TOX: variants seen among roughly 807,000 people sequenced by gnomAD.
TOX encodes thymocyte selection associated high mobility group box.
In TOX, 11 loss-of-function variants were observed where a neutral mutation model predicts 53.7. That is an observed-to-expected ratio of 0.20 (90% CI 0.13 to 0.34). The LOEUF (loss-of-function observed/expected upper bound fraction) is 0.34. Among genes scored for constraint, TOX ranks in the 10% least tolerant of loss-of-function variants. The probability of loss-of-function intolerance (pLI) is 1.00; values close to 1 mark genes in which losing one functional copy is unlikely to be tolerated. For missense variants in TOX, 570 were observed against 664.6 expected, an observed-to-expected ratio of 0.86 and a Z score of 1.56; for synonymous variants, 225 against 245.3, an observed-to-expected ratio of 0.92 and a Z score of 0.77.
intron 1 of TOX, among the ~76,000 whole-genome samples, chr8:58,978,063 A>G (rs1479928895): frequency 1.3e-5 from 2 of 152,190 alleles, no homozygotes; most frequent in Non-Finnish European, 2.9e-5. Flanking sequence ...GTGAGGTGCA[A>G]TAAAATGGGG....
intron 2 of TOX, among the ~76,000 whole-genome samples, chr8:58,957,326 G>C (rs569690463): frequency 1.4e-4 from 22 of 152,220 alleles, no homozygotes; most frequent in Admixed American, 2.6e-4. Context: ...AATGGTGCCA[G>C]AGTAAAATGG....
intron 7 of TOX, among the ~76,000 whole-genome samples, chr8:58,813,817 A>G (rs748178489): frequency 6.6e-6 from 1 of 152,216 alleles, no homozygotes; most frequent in Non-Finnish European, 1.5e-5. Context: ...TGATTTGAGA[A>G]GTAACCAGAA....
chr8:58,810,094 T>A (rs1810052605), intron 7 of TOX, among the ~76,000 whole-genome samples: 1 of 152,132 alleles, frequency 6.6e-6, no homozygotes, highest in South Asian at 2.1e-4. Flanking sequence ...AATGCAACCC[T>A]TATGCCTTGG....
chr8:58,952,567 C>T lies in TOX; in HGVS notation c.168+7376G>A, dbSNP rs188946551. Among the ~76,000 whole-genome samples the T allele has an allele frequency of 3.3e-5, 5 of 152,324 alleles. No individual in the cohort carries two copies. The South Asian group carries it at 6.2e-4, about 19-fold the overall frequency. ...AAATGCTACCACACAACTGGTCAGA[C>T]TGCAGTAGTGCTACAACTCCTCCCT... On this transcript the variant is annotated intron_variant, in intron 2 of 8. Coordinates refer to ENST00000361421, the MANE Select transcript of TOX (RefSeq NM_014729.3).
At chr8:58,858,254 G>T (rs559994039) in intron 3 of TOX, among the ~76,000 whole-genome samples, 6 of 152,180 alleles carry the variant, frequency 3.9e-5, no homozygotes, top group Middle Eastern at 3.2e-3. Context: ...GCACCAGAAC[G>T]ATGGAGGGCC....
At chr8:58,814,451 A>G (rs1810138553) in intron 7 of TOX, 1 of 152,212 alleles carries the variant, frequency 6.6e-6, no homozygotes. Flanking sequence ...TGTCAATTAT[A>G]CTGCAAGTTG....
chr8:59,079,949 G>T lies in TOX; in HGVS notation c.102+38937C>A, dbSNP rs542466565. ...CCACCAAAGGCTTAATTAACATCAC[G>T]TGCATGGGGCCTGTAGCCCCTTTCT... On this transcript the variant is annotated intron_variant, in intron 1 of 8. Transcript: ENST00000361421. Among the ~76,000 whole-genome samples the T allele has an allele frequency of 4.6e-5, 7 of 151,958 alleles. No individual in the cohort carries two copies. The East Asian group carries it at 1.4e-3, about 29-fold the overall frequency.
intron 3 of TOX, among the ~76,000 whole-genome samples, chr8:58,936,535 A>G (rs533346054): frequency 4.3e-4 from 65 of 152,220 alleles, no homozygotes; most frequent in Non-Finnish European, 8.1e-4. Context: ...CATTCAAAAT[A>G]TATACACTGA....
intron 1 of TOX, among the ~76,000 whole-genome samples, chr8:59,078,039 A>G (rs1045503440): frequency 1.3e-5 from 2 of 152,208 alleles, no homozygotes; most frequent in African/African-American, 2.4e-5. Context: ...GAGGAAAAAT[A>G]TTATCCATAC....
At chr8:58,922,537 CAT>C (rs1039322668) in intron 3 of TOX, among the ~76,000 whole-genome samples, 4 of 152,206 alleles carry the variant, frequency 2.6e-5, no homozygotes, top group African/African-American at 9.6e-5. Flanking sequence ...CAAACACACA[CAT>C]ATATATGTGT....
chr8:58,947,386 A>G (rs1812540483), intron 2 of TOX, among the ~76,000 whole-genome samples: 1 of 152,172 alleles, frequency 6.6e-6, no homozygotes, highest in South Asian at 2.1e-4. Context: ...TATTTAAAAT[A>G]TTGTTGGTCC....
At chr8:59,075,983 C>A (rs1319357970) in intron 1 of TOX, among the ~76,000 whole-genome samples, 4 of 140,104 alleles carry the variant, frequency 2.9e-5, no homozygotes, top group South Asian at 2.3e-4. Flanking sequence ...CCAGCCTGGG[C>A]AACAAGAGTG....
intron 1 of TOX, among the ~76,000 whole-genome samples, chr8:59,038,328 T>C (rs2129420509): frequency 6.6e-6 from 1 of 152,330 alleles, no homozygotes; most frequent in Non-Finnish European, 1.5e-5. Context: ...TAAATGCCTA[T>C]ACAAGACTAG....
intron 3 of TOX, among the ~76,000 whole-genome samples, chr8:58,914,861 G>C (rs62505155): frequency 6.6e-6 from 1 of 151,864 alleles, no homozygotes; most frequent in Non-Finnish European, 1.5e-5. Context: ...TGCGCGAGCC[G>C]AAGCAGGGCG....
At chr8:59,026,865 AT>A (rs1814250192) in intron 1 of TOX, among the ~76,000 whole-genome samples, 1 of 150,388 alleles carries the variant, frequency 6.6e-6, no homozygotes, top group Non-Finnish European at 1.5e-5. Flanking sequence ...AATTTAATAC[AT>A]TTATAGAATT....
intron 3 of TOX, among the ~76,000 whole-genome samples, chr8:58,867,308 T>C (rs1296345678): frequency 2.0e-5 from 3 of 152,194 alleles, no homozygotes; most frequent in Non-Finnish European, 2.9e-5. Flanking sequence ...AAAAGGGAGA[T>C]AGCTTTTATT....
In TOX at chr8:58,948,725, C is replaced by CT. The variant is rs147695115; in HGVS notation, c.169-9182dup. Among the ~76,000 whole-genome samples, 468 of 152,090 alleles carry CT rather than the reference C, an allele frequency of 3.1e-3. 15 individuals are homozygous for CT. The East Asian group carries it at 0.08, about 26-fold the overall frequency. The stretch of plus-strand genomic sequence containing the variant: ...AATGCAATCTATTTTTTTTAGTCAT[C>CT]TAGACTTTTTCAATTCTCATATTGA... On this transcript the variant is annotated intron_variant, in intron 2 of 8. Transcript: ENST00000361421.
chr8:58,882,805 A>G (rs1811405610), intron 3 of TOX, among the ~76,000 whole-genome samples: 2 of 152,234 alleles, frequency 1.3e-5, no homozygotes, highest in South Asian at 4.1e-4. Flanking sequence ...ATATGAGTGC[A>G]TTGGGAAAAG....
chr8:59,111,009 A>C (rs1376686554), intron 1 of TOX, among the ~76,000 whole-genome samples: 1 of 152,174 alleles, frequency 6.6e-6, no homozygotes, highest in Non-Finnish European at 1.5e-5. Context: ...CTTAATTCTC[A>C]TAAGTCTTCT....
Sources: allele counts gnomAD v4.1 joint callset (sites outside exome capture counted in the v4.1 genomes callset), GRCh38; gene constraint gnomAD v4.1.1; transcripts MANE v1.5; gene names NCBI Gene and HGNC (gene_info 2026-07-23, HGNC 2026-07-21).